The following HOMER2 variants were observed in gnomAD, a reference collection of about 807,000 sequenced individuals.
HOMER2 encodes homer scaffold protein 2.
In HOMER2, 27 loss-of-function variants were observed where a neutral mutation model predicts 47.0. The observed-to-expected ratio is 0.57, with a 90% CI of 0.42 to 0.79. HOMER2 has a LOEUF of 0.79. Ranked by LOEUF, HOMER2 falls within the 30% of genes least tolerant of loss-of-function variation. The pLI, the probability that HOMER2 is intolerant of heterozygous loss-of-function variation, is 0.00. For synonymous variants in HOMER2, 161 were observed against 163.8 expected (o/e 0.98, Z 0.13); for missense variants, 443 against 435.0 (o/e 1.02, Z -0.16).
At chr15:82,873,624 G>T (rs1339630928) in intron 3 of HOMER2, among the ~76,000 whole-genome samples, 1 of 152,134 alleles carries the variant, frequency 6.6e-6, no homozygotes, top group Non-Finnish European at 1.5e-5. Context: ...CGAGATTTTT[G>T]CTTTTTGTCC....
At chr15:82,914,237 G>A (rs923895378) in intron 1 of HOMER2, among the ~76,000 whole-genome samples, 10 of 142,922 alleles carry the variant, frequency 7.0e-5, no homozygotes, top group African/African-American at 2.7e-4. Context: ...AATTAGCCAG[G>A]CATGGTGGTG....
intron 3 of HOMER2, among the ~76,000 whole-genome samples, chr15:82,865,012 C>T (rs776412848): frequency 1.3e-5 from 2 of 152,218 alleles, no homozygotes; most frequent in African/African-American, 2.4e-5. Context: ...TTATTGAGAA[C>T]TCATTTATTT....
At chr15:82,931,753 G>T (rs2054017086) in intron 1 of HOMER2, among the ~76,000 whole-genome samples, 2 of 152,060 alleles carry the variant, frequency 1.3e-5, no homozygotes, top group Non-Finnish European at 2.9e-5. Context: ...CAGGAGAATC[G>T]CTTGAACCCA....
At chr15:82,902,293 G>A (rs1320265259) in intron 1 of HOMER2, among the ~76,000 whole-genome samples, 1 of 149,684 alleles carries the variant, frequency 6.7e-6, no homozygotes, top group Non-Finnish European at 1.5e-5. Flanking sequence ...TGCCTCCCAG[G>A]TTCAAGTGAT....
intron 1 of HOMER2, among the ~76,000 whole-genome samples, chr15:82,929,070 T>C (rs2053936625): frequency 6.6e-6 from 1 of 150,704 alleles, no homozygotes. Context: ...GGGTGAGCAA[T>C]GTGGGCTTTG....
rs68038013 is a variant in HOMER2 at position 82,897,065 on chromosome 15, C to CTTTTTTTTTT, written c.6-4234_6-4225dup. ...ACAGGTCTGAAATTTGATGTCATTT[C>CTTTTTTTTTT]TTTTTTTTTTTTTTTTTTTTAGATG... On this transcript the variant is annotated intron_variant, in intron 1 of 8. Transcript: ENST00000450735. Among the ~76,000 whole-genome samples, 140 of 101,586 alleles carry CTTTTTTTTTT rather than the reference C, an allele frequency of 1.4e-3. 2 individuals are homozygous for CTTTTTTTTTT. The highest frequency in any genetic ancestry group is 1.7e-3 in the Non-Finnish European group (90 of 54,312). 66.6% of individuals were successfully genotyped at this position (101,586 alleles called of 152,430 possible). A position where few individuals can be genotyped will look rare whatever the true frequency, so the allele number is the denominator to read the frequency against.
intron 1 of HOMER2, among the ~76,000 whole-genome samples, chr15:82,943,467 C>T (rs1415928078): frequency 6.6e-6 from 1 of 152,202 alleles, no homozygotes; most frequent in East Asian, 1.9e-4. Context: ...AGCTCCTTTT[C>T]CTTGTCTTTG....
At chr15:82,968,570 C>CT (rs1375039150) in intron 1 of HOMER2, among the ~76,000 whole-genome samples, 2 of 152,222 alleles carry the variant, frequency 1.3e-5, no homozygotes, top group Non-Finnish European at 2.9e-5. Context: ...ATTCCTCTTT[C>CT]TTTACCCAGA....
intron 1 of HOMER2, among the ~76,000 whole-genome samples, chr15:82,905,105 G>C (rs1042597929): frequency 6.6e-6 from 1 of 152,124 alleles, no homozygotes; most frequent in Non-Finnish European, 1.5e-5. Flanking sequence ...AAATGCTACA[G>C]ATTAAAAACA....
chr15:82,946,353 C>T (rs2054380748), intron 1 of HOMER2, among the ~76,000 whole-genome samples: 1 of 152,224 alleles, frequency 6.6e-6, no homozygotes, highest in African/African-American at 2.4e-5. Context: ...TAAAAGTCAA[C>T]CCAAAGACTG....
At chr15:82,981,889 A>C (rs1050997587) in intron 1 of HOMER2, among the ~76,000 whole-genome samples, 3 of 152,002 alleles carry the variant, frequency 2.0e-5, no homozygotes, top group Non-Finnish European at 1.5e-5. Context: ...ACAGAATTTC[A>C]GTGTGAGAAG....
chr15:82,910,277 T>C (rs912619926), intron 1 of HOMER2, among the ~76,000 whole-genome samples: 3 of 151,662 alleles, frequency 2.0e-5, no homozygotes, highest in Non-Finnish European at 2.9e-5. Context: ...CATTGTAAAG[T>C]GGTTGACTCG....
At chr15:82,877,628 T>A (rs1314724124) in intron 2 of HOMER2, among the ~76,000 whole-genome samples, 1 of 152,220 alleles carries the variant, frequency 6.6e-6, no homozygotes, top group Non-Finnish European at 1.5e-5. Context: ...AAGGAAACAT[T>A]ACTGCCCCTC....
chr15:82,893,603 T>C (rs1426743568), intron 1 of HOMER2, among the ~76,000 whole-genome samples: 1 of 151,272 alleles, frequency 6.6e-6, no homozygotes, highest in Non-Finnish European at 1.5e-5. Flanking sequence ...AGTGCTAGGA[T>C]TATAGGCGTA....
intron 6 of HOMER2, 129 bp downstream of exon 6, chr15:82,854,515 G>A (rs2051500829): frequency 2.3e-6 from 2 of 881,090 alleles, no homozygotes; most frequent in Non-Finnish European, 3.4e-6. Context: ...CATGGGAGAG[G>A]CAGCAAGTCT....
intron 1 of HOMER2, among the ~76,000 whole-genome samples, chr15:82,976,229 T>A (rs1438516923): frequency 6.6e-6 from 1 of 152,058 alleles, no homozygotes; most frequent in Non-Finnish European, 1.5e-5. Context: ...AGTACCTCTA[T>A]ACTTATATAT....
At chr15:82,944,846 T>C (rs948800818) in intron 1 of HOMER2, among the ~76,000 whole-genome samples, 3 of 152,102 alleles carry the variant, frequency 2.0e-5, no homozygotes, top group African/African-American at 7.2e-5. Flanking sequence ...GGAATTCTCT[T>C]TGAAGGAGGG....
chr15:82,947,984 G>A (rs1301235905), intron 1 of HOMER2, among the ~76,000 whole-genome samples: 1 of 152,198 alleles, frequency 6.6e-6, no homozygotes, highest in Non-Finnish European at 1.5e-5. Context: ...ACAAAGGTAG[G>A]GCTGGGGCCC....
At chr15:82,845,217 TTCACACACACAC>T (rs1214638457), downstream of HOMER2, 2 of 89,146 alleles carry the variant, frequency 2.2e-5, no homozygotes, top group East Asian at 5.4e-4. Context: ...TTGCTGTTTC[TTCACACACACAC>T]ACACACACAC....
Sources: gnomAD v4.1 joint callset for allele counts (sites outside exome capture counted in the v4.1 genomes callset) on GRCh38, gnomAD v4.1.1 for gene constraint, MANE v1.5 for transcripts, NCBI Gene and HGNC (gene_info 2026-07-23, HGNC 2026-07-21) for gene names.